Variants in CFAP299 observed in about 807,000 individuals in gnomAD.
CFAP299 encodes the protein cilia and flagella associated protein 299, also known as cilia- and flagella-associated protein 299.
Under a neutral mutation model 27.0 loss-of-function variants are expected in CFAP299, and 21 were observed. The ratio of observed to expected loss-of-function variants is 0.78; its 90% confidence interval spans 0.55 to 1.12. The LOEUF is 1.12. Among genes scored for constraint, CFAP299 ranks in the 50% most tolerant of loss-of-function variants. CFAP299 has a pLI of 0.00. For synonymous variants in CFAP299, 104 were observed against 98.1 expected (o/e 1.06, Z -0.36); for missense variants, 310 against 276.6 (o/e 1.12, Z -0.86).
At chr4:80,775,916 T>G (rs1726510704) in intron 3 of CFAP299, among the ~76,000 whole-genome samples, 1 of 152,132 alleles carries the variant, frequency 6.6e-6, no homozygotes, top group South Asian at 2.1e-4. Flanking sequence ...AAAATAAATA[T>G]GACAATTTGA....
chr4:80,810,267 G>C (rs1729077628), intron 3 of CFAP299, among the ~76,000 whole-genome samples: 1 of 151,788 alleles, frequency 6.6e-6, no homozygotes, highest in African/African-American at 2.4e-5. Flanking sequence ...CCCAGCCCTT[G>C]AAGGAACTTA....
chr4:80,632,002 G>A (rs1275095188), intron 3 of CFAP299, among the ~76,000 whole-genome samples: 1 of 151,768 alleles, frequency 6.6e-6, no homozygotes, highest in Admixed American at 6.6e-5. Context: ...TATAAAAGAG[G>A]CCCCAGAGAG....
chr4:80,431,184 G>A (rs1360973240), intron 2 of CFAP299, among the ~76,000 whole-genome samples: 2 of 152,142 alleles, frequency 1.3e-5, no homozygotes, highest in African/African-American at 2.4e-5. Context: ...TAGAATGTGA[G>A]CTCCTTGGGC....
intron 2 of CFAP299, among the ~76,000 whole-genome samples, chr4:80,518,646 C>T (rs1218456174): frequency 6.6e-6 from 1 of 151,926 alleles, no homozygotes; most frequent in Non-Finnish European, 1.5e-5. Flanking sequence ...TATGGAAATA[C>T]ATATTTAAGG....
At chr4:80,360,968 A>G (rs927850259) in intron 1 of CFAP299, among the ~76,000 whole-genome samples, 1 of 152,200 alleles carries the variant, frequency 6.6e-6, no homozygotes, top group Non-Finnish European at 1.5e-5. Flanking sequence ...CAAATCCCCC[A>G]AGCAAGGCTC....
At chr4:80,551,079 A>T (rs930889914) in intron 2 of CFAP299, among the ~76,000 whole-genome samples, 4 of 152,216 alleles carry the variant, frequency 2.6e-5, no homozygotes, top group Non-Finnish European at 4.4e-5. Context: ...CTTTCAGTGT[A>T]AGCCAAAACT....
chr4:80,525,654 C>G (rs1379288832), intron 2 of CFAP299, among the ~76,000 whole-genome samples: 1 of 152,180 alleles, frequency 6.6e-6, no homozygotes, highest in Non-Finnish European at 1.5e-5. Flanking sequence ...CCTCCCCGGT[C>G]TCGACCCTTG....
At chr4:80,348,032 A>G (rs1722826923) in intron 1 of CFAP299, among the ~76,000 whole-genome samples, 1 of 152,196 alleles carries the variant, frequency 6.6e-6, no homozygotes, top group Non-Finnish European at 1.5e-5. Flanking sequence ...CAAACCTGAC[A>G]ATAGCAATGG....
intron 3 of CFAP299, among the ~76,000 whole-genome samples, chr4:80,663,643 A>G (rs752193786): frequency 2.6e-5 from 4 of 152,184 alleles, no homozygotes; most frequent in East Asian, 1.9e-4. Context: ...TCCTTTGGGC[A>G]TATACCCAGT....
At chr4:80,551,841 A>G (rs1734530561) in intron 2 of CFAP299, among the ~76,000 whole-genome samples, 1 of 151,612 alleles carries the variant, frequency 6.6e-6, no homozygotes, top group African/African-American at 2.4e-5. Flanking sequence ...TCCGCCTCCC[A>G]GGTTCAAGTG....
rs1578369375 is a variant in CFAP299, at chr4:80,374,613, C to G, written c.242+11729C>G. ...CCCATGTGTCAGGAGCTGCGATTTT[C>G]CTAATCAGAGCTCTGATTTTGGTGT... On this transcript the variant is annotated intron_variant, in intron 2 of 5. Transcript: ENST00000358105. Among the ~76,000 whole-genome samples, 4 of 152,274 alleles carry G rather than the reference C, an allele frequency of 2.6e-5. No homozygotes were observed. The South Asian group carries it at 8.3e-4, about 32-fold the overall frequency.
intron 2 of CFAP299, among the ~76,000 whole-genome samples, chr4:80,501,166 A>G (rs528988367): frequency 3.9e-5 from 6 of 152,190 alleles, no homozygotes; most frequent in South Asian, 2.1e-4. Flanking sequence ...GAGTACTCAT[A>G]ACTCTAGCTT....
intron 3 of CFAP299, among the ~76,000 whole-genome samples, chr4:80,584,238 C>A (rs1418785189): frequency 6.6e-6 from 1 of 151,916 alleles, no homozygotes; most frequent in Non-Finnish European, 1.5e-5. Flanking sequence ...AATGCATTTT[C>A]TCAGAAATGT....
At chr4:80,573,233 C>G (rs1735684466) in intron 2 of CFAP299, among the ~76,000 whole-genome samples, 1 of 152,084 alleles carries the variant, frequency 6.6e-6, no homozygotes, top group Admixed American at 6.6e-5. Flanking sequence ...TGATGTTGAA[C>G]ACCTTTTTAT....
intron 2 of CFAP299, among the ~76,000 whole-genome samples, chr4:80,531,320 T>A (rs111925163): frequency 0.094 from 14,277 of 152,246 alleles, 731 homozygotes; most frequent in Middle Eastern, 0.2. Flanking sequence ...TATTTATAGA[T>A]AAATTTCTTT....
chr4:80,367,541 C>G (rs1363355947), intron 2 of CFAP299, among the ~76,000 whole-genome samples: 1 of 152,152 alleles, frequency 6.6e-6, no homozygotes, highest in Admixed American at 6.5e-5. Flanking sequence ...ACTAGAGGCA[C>G]CCATTTCAAC....
chr4:80,921,766 C>T (rs1053394700), intron 4 of CFAP299, among the ~76,000 whole-genome samples: 1 of 151,666 alleles, frequency 6.6e-6, no homozygotes, highest in African/African-American at 2.4e-5. Flanking sequence ...GACAAGGAGA[C>T]AAATAAACAA....
At chr4:80,742,171 GTGA>G (rs1181122656) in intron 3 of CFAP299, among the ~76,000 whole-genome samples, 1 of 152,128 alleles carries the variant, frequency 6.6e-6, no homozygotes, top group Admixed American at 6.6e-5. Flanking sequence ...TATTGCTCAT[GTGA>G]TTTTGTATTC....
At chr4:80,542,072 T>C (rs34306570) in intron 2 of CFAP299, among the ~76,000 whole-genome samples, 11,919 of 152,202 alleles carry the variant, frequency 0.078, 540 homozygotes, top group Non-Finnish European at 0.094. Context: ...CTCTAGTGCC[T>C]TGGCGCATGC....
Sources: allele counts gnomAD v4.1 joint callset (sites outside exome capture counted in the v4.1 genomes callset), GRCh38; gene constraint gnomAD v4.1.1; transcripts MANE v1.5; gene names NCBI Gene and HGNC (gene_info 2026-07-23, HGNC 2026-07-21).